Variants in GTF2A2 observed in about 807,000 individuals in gnomAD.
GTF2A2 encodes the protein general transcription factor IIA subunit 2.
Under a neutral mutation model 14.3 loss-of-function variants are expected in GTF2A2, and 9 were observed. The observed-to-expected ratio is 0.63, with a 90% CI of 0.38 to 1.10. The LOEUF (loss-of-function observed/expected upper bound fraction) is 1.10. Ranked by LOEUF, GTF2A2 falls within the 50% of genes least tolerant of loss-of-function variation. The pLI, the probability that GTF2A2 is intolerant of heterozygous loss-of-function variation, is 0.01. For missense variants in GTF2A2, 90 were observed against 124.6 expected, an observed-to-expected ratio of 0.72 and a Z score of 1.32; for synonymous variants, 56 against 46.0, an observed-to-expected ratio of 1.22 and a Z score of -0.88.
At chr15:59,656,103 C>T (rs1891935006) in intron 1 of GTF2A2, among the ~76,000 whole-genome samples, 1 of 152,178 alleles carries the variant, frequency 6.6e-6, no homozygotes, top group Admixed American at 6.5e-5. Context: ...CCCATGGCTT[C>T]TATCAGCCTT....
At position 59,638,837 on chromosome 15, in the gene GTF2A2, G is replaced by GCTAC; in HGVS notation, c.*291_*294dup. 1 of 294,234 alleles carries GCTAC rather than the reference G, an allele frequency of 3.4e-6. No individual in the cohort carries two copies. The highest frequency in any genetic ancestry group is 5.0e-5 in the Admixed American group (1 of 20,072). 18.2% of individuals were successfully genotyped at this position (294,234 alleles called of 1,614,324 possible). A position where few individuals can be genotyped will look rare whatever the true frequency, so the allele number is the denominator to read the frequency against. ...ATGCATTATCTAATATCTTCATATT[G>GCTAC]CTACCTTAATAGCTTCACCAGTTAT... On this transcript the variant is annotated 3_prime_UTR_variant, in exon 5 of 5. Coordinates refer to ENST00000396060, the MANE Select transcript of GTF2A2 (RefSeq NM_004492.3).
intron 3 of GTF2A2, among the ~76,000 whole-genome samples, chr15:59,649,964 T>G (rs1198704544): frequency 6.6e-6 from 1 of 152,224 alleles, no homozygotes; most frequent in Non-Finnish European, 1.5e-5. Context: ...TTATGCCTTA[T>G]AATACAATAT....
At chr15:59,653,758 G>T (rs1219356877) in intron 1 of GTF2A2, among the ~76,000 whole-genome samples, 1 of 152,128 alleles carries the variant, frequency 6.6e-6, no homozygotes. Flanking sequence ...AAAATATCAA[G>T]TAGGTAGCTC....
At chr15:59,649,265 A>G (rs1426683757) in intron 3 of GTF2A2, among the ~76,000 whole-genome samples, 1 of 152,240 alleles carries the variant, frequency 6.6e-6, no homozygotes, top group African/African-American at 2.4e-5. Context: ...ATAAAAAGCA[A>G]GAATGGAAAA....
chr15:59,642,605 A>C (rs1219760520), intron 3 of GTF2A2, among the ~76,000 whole-genome samples: 1 of 152,226 alleles, frequency 6.6e-6, no homozygotes, highest in Non-Finnish European at 1.5e-5. Context: ...ATTTGTTAAA[A>C]GTTACATATT....
At chr15:59,641,210 G>GATTAAC (rs1891413149) in intron 4 of GTF2A2, among the ~76,000 whole-genome samples, 1 of 122,914 alleles carries the variant, frequency 8.1e-6, no homozygotes, top group African/African-American at 3.2e-5. Flanking sequence ...TAAGGCTTAA[G>GATTAAC]AGTAGTAAAC....
At chr15:59,642,033 G>T in intron 4 of GTF2A2, 103 bp downstream of exon 4, 1 of 936,504 alleles carries the variant, frequency 1.1e-6, no homozygotes, top group Non-Finnish European at 1.6e-6. Context: ...ATTGATCATA[G>T]GGCCATTTTA....
At chr15:59,639,986 A>G (rs1420917353) in intron 4 of GTF2A2, 1 of 152,104 alleles carries the variant, frequency 6.6e-6, no homozygotes, top group Non-Finnish European at 1.5e-5. Context: ...CCTGGCCTCA[A>G]GTGATCTACC....
rs987106800 is a variant in GTF2A2, at chr15:59,645,330, C to T, written c.178-3068G>A. ...GAGGGTTGGATGAGACCAAGGACAG[C>T]GGACGCACGCTGTAACCCTAAGAAA... On this transcript the variant is annotated intron_variant, in intron 3 of 4. Coordinates refer to ENST00000396060, the MANE Select transcript of GTF2A2 (RefSeq NM_004492.3). Among the ~76,000 whole-genome samples, 7 of 152,084 alleles carry T rather than the reference C, an allele frequency of 4.6e-5. No individual in the cohort carries two copies. In the East Asian group the frequency reaches 5.8e-4, roughly 13 times the overall value.
At chr15:59,649,205 C>T (rs1891715148) in intron 3 of GTF2A2, among the ~76,000 whole-genome samples, 1 of 151,888 alleles carries the variant, frequency 6.6e-6, no homozygotes. Context: ...TGGCTGTAAC[C>T]CAGGAGTAGG....
chr15:59,639,245 GAACACAGGACTAATAGTGGT>G, intron 4 of GTF2A2, 88 bp from the exon 5 acceptor site: 1 of 812,962 alleles, frequency 1.2e-6, no homozygotes. Context: ...TCAAAAATGA[GAACACAGGACTAATAGTGGT>G]GGTGGCTTGC....
intron 4 of GTF2A2, among the ~76,000 whole-genome samples, chr15:59,639,510 G>GAGTGC (rs1566922526): frequency 6.8e-6 from 1 of 146,982 alleles, no homozygotes; most frequent in Non-Finnish European, 1.5e-5. Context: ...GCCCAGGCTG[G>GAGTGC]AGTGCAGTGG....
intron 3 of GTF2A2, among the ~76,000 whole-genome samples, chr15:59,648,511 CAT>C (rs1172705384): frequency 1.3e-5 from 2 of 151,222 alleles, no homozygotes; most frequent in African/African-American, 4.8e-5. Context: ...CTCCATGGTA[CAT>C]ATGAGTTTTT....
intron 3 of GTF2A2, 44 bp from the exon 4 acceptor site, chr15:59,642,306 C>CATA (rs745576490): frequency 5.2e-6 from 8 of 1,530,336 alleles, no homozygotes; most frequent in Middle Eastern, 3.5e-4. Flanking sequence ...CGTTTTTTCC[C>CATA]CTCACATTTT....
intron 4 of GTF2A2, among the ~76,000 whole-genome samples, chr15:59,641,197 T>G (rs76860546): frequency 1.5e-5 from 1 of 67,774 alleles, no homozygotes; most frequent in African/African-American, 5.3e-5. Context: ...TTTTTTTTTT[T>G]TTTAAGGCTT....
At chr15:59,641,747 G>A (rs1891435714) in intron 4 of GTF2A2, among the ~76,000 whole-genome samples, 1 of 152,102 alleles carries the variant, frequency 6.6e-6, no homozygotes, top group African/African-American at 2.4e-5. Flanking sequence ...TTAAAATCCT[G>A]TTTAAAATAA....
intron 3 of GTF2A2, among the ~76,000 whole-genome samples, chr15:59,645,398 G>C (rs1891569494): frequency 6.6e-6 from 1 of 152,142 alleles, no homozygotes. Context: ...CTACAGAGGA[G>C]TCTGAGAGCA....
chr15:59,649,523 C>T (rs17302448), intron 3 of GTF2A2, among the ~76,000 whole-genome samples: 10,394 of 152,150 alleles, frequency 0.068, 594 homozygotes, highest in East Asian at 0.23. Context: ...ATCATCTGGG[C>T]AGACTTCTGC....
intron 3 of GTF2A2, among the ~76,000 whole-genome samples, chr15:59,642,471 CTG>C (rs1210644900): frequency 4.6e-5 from 7 of 152,080 alleles, no homozygotes; most frequent in African/African-American, 1.2e-4. Context: ...AGTTGGCAGA[CTG>C]TATTTTTAGT....
Sources: gnomAD v4.1 joint callset for allele counts (sites outside exome capture counted in the v4.1 genomes callset) on GRCh38, gnomAD v4.1.1 for gene constraint, MANE v1.5 for transcripts, NCBI Gene and HGNC (gene_info 2026-07-23, HGNC 2026-07-21) for gene names.